Variants in THSD7B observed in about 807,000 individuals in gnomAD.
THSD7B encodes thrombospondin type-1 domain-containing protein 7B.
A neutral mutation model predicts 213.6 loss-of-function variants in THSD7B; 138 were observed. The observed-to-expected ratio is 0.65, with a 90% CI of 0.56 to 0.74. The LOEUF (loss-of-function observed/expected upper bound fraction) is 0.74, where lower values mean the gene tolerates loss of function less well. Ranked by LOEUF, THSD7B falls within the 30% of genes least tolerant of loss-of-function variation. The probability of loss-of-function intolerance (pLI) is 0.00; values close to 1 mark genes in which losing one functional copy is unlikely to be tolerated. For missense variants in THSD7B, 1,931 were observed against 1,991.5 expected (o/e 0.97, Z 0.58); for synonymous variants, 742 against 687.0 (o/e 1.08, Z -1.25).
chr2:137,448,227 A>G (rs1687578877), intron 14 of THSD7B, among the ~76,000 whole-genome samples: 1 of 152,206 alleles, frequency 6.6e-6, no homozygotes, highest in African/African-American at 2.4e-5. Context: ...CCCTGTTTTA[A>G]GAACAGAAAA....
intron 2 of THSD7B, among the ~76,000 whole-genome samples, chr2:136,926,049 C>T (rs1382682496): frequency 6.6e-6 from 1 of 152,052 alleles, no homozygotes; most frequent in Non-Finnish European, 1.5e-5. Context: ...TTCCTCTCTG[C>T]AAAAAGCTTC....
intron 2 of THSD7B, among the ~76,000 whole-genome samples, chr2:137,029,075 A>T (rs1311144591): frequency 7.7e-6 from 1 of 129,470 alleles, no homozygotes; most frequent in Non-Finnish European, 1.6e-5. Flanking sequence ...ATGTCTTTGT[A>T]AGCTTTTTTT....
intron 2 of THSD7B, among the ~76,000 whole-genome samples, chr2:137,000,590 T>A (rs1043164612): frequency 6.6e-6 from 1 of 152,102 alleles, no homozygotes; most frequent in African/African-American, 2.4e-5. Context: ...TAGGTTATAA[T>A]TGGCTCTATA....
intron 2 of THSD7B, among the ~76,000 whole-genome samples, chr2:136,942,027 G>T (rs531800347): frequency 1.3e-5 from 2 of 152,244 alleles, no homozygotes; most frequent in South Asian, 4.1e-4. Context: ...TTTTGTATAA[G>T]GTGTACGGAA....
At position 137,667,824 on chromosome 2, in the gene THSD7B, A is replaced by T. The variant is rs746653090; in HGVS notation, c.4702A>T (p.Ile1568Phe). Reference protein sequence around the residue: ...VYGVSGGAFLIMIFLIFTSYL... With the variant: ...VYGVSGGAFLFMIFLIFTSYL... ...TGGCGTTTCAGGTGGCGCTTTTCTCATCATGATTTTCCTAATATTTACTTC... is the reference window on the plus strand; with the variant it reads ...TGGCGTTTCAGGTGGCGCTTTTCTCTTCATGATTTTCCTAATATTTACTTC... Residue 1568 changes from isoleucine (I) to phenylalanine (F), a missense_variant, in exon 27 of 28, where the codon ATC (isoleucine) becomes TTC (phenylalanine). Transcript: ENST00000409968. 1.0e-5 allele frequency: 16 copies of T among 1,604,376 alleles called. No homozygotes were observed. The highest frequency in any genetic ancestry group is 1.3e-5 in the Non-Finnish European group (15 of 1,174,742).
intron 5 of THSD7B, among the ~76,000 whole-genome samples, chr2:137,144,954 T>G (rs1048660611): frequency 1.2e-3 from 185 of 152,158 alleles, no homozygotes; most frequent in African/African-American, 4.1e-3. Flanking sequence ...CTCTAGACCT[T>G]GATTTTCTCA....
chr2:137,006,644 A>T (rs746925717), intron 2 of THSD7B, among the ~76,000 whole-genome samples: 7 of 152,192 alleles, frequency 4.6e-5, no homozygotes, highest in Non-Finnish European at 7.3e-5. Context: ...AGAAATAAGC[A>T]AGATATAGCT....
At chr2:137,270,293 G>A (rs1682702945) in intron 10 of THSD7B, among the ~76,000 whole-genome samples, 1 of 152,000 alleles carries the variant, frequency 6.6e-6, no homozygotes, top group Non-Finnish European at 1.5e-5. Context: ...AATAAGCCGG[G>A]GGGCTACTGA....
At chr2:137,092,642 T>C (rs1573818121) in intron 3 of THSD7B, among the ~76,000 whole-genome samples, 1 of 152,190 alleles carries the variant, frequency 6.6e-6, no homozygotes, top group South Asian at 2.1e-4. Flanking sequence ...TAAGACTTCT[T>C]CTTTTTTTGT....
intron 5 of THSD7B, among the ~76,000 whole-genome samples, chr2:137,136,635 C>T (rs1478111089): frequency 6.6e-6 from 1 of 152,116 alleles, no homozygotes; most frequent in Non-Finnish European, 1.5e-5. Context: ...TGTGTGTAAC[C>T]TCTAGTCAAC....
chr2:137,108,890 C>T (rs112476178), intron 4 of THSD7B, among the ~76,000 whole-genome samples: 5 of 152,110 alleles, frequency 3.3e-5, no homozygotes, highest in African/African-American at 7.2e-5. Context: ...AGCTATAATA[C>T]GTGGTGTCCT....
chr2:137,489,125 C>G (rs577581231), intron 15 of THSD7B, among the ~76,000 whole-genome samples: 2 of 152,050 alleles, frequency 1.3e-5, no homozygotes, highest in Admixed American at 1.3e-4. Context: ...CTATTGTCTC[C>G]CCTTCTTAGG....
chr2:137,080,319 A>G (rs1687719082), intron 3 of THSD7B, among the ~76,000 whole-genome samples: 2 of 150,456 alleles, frequency 1.3e-5, no homozygotes, highest in East Asian at 2.0e-4. Flanking sequence ...TTGTGCCTCA[A>G]GACTCCCAAG....
chr2:137,148,468 A>C (rs1243790784), intron 5 of THSD7B, among the ~76,000 whole-genome samples: 1 of 152,200 alleles, frequency 6.6e-6, no homozygotes, highest in Non-Finnish European at 1.5e-5. Flanking sequence ...TGGAGGGCTC[A>C]GAAGAAGATA....
chr2:137,115,508 A>G (rs907782110), intron 5 of THSD7B, among the ~76,000 whole-genome samples: 1 of 152,210 alleles, frequency 6.6e-6, no homozygotes, highest in African/African-American at 2.4e-5. Flanking sequence ...CCCAAGAGTC[A>G]CTGTGAAAGT....
At chr2:137,676,151 A>T (rs1683694227) in intron 27 of THSD7B, among the ~76,000 whole-genome samples, 1 of 152,196 alleles carries the variant, frequency 6.6e-6, no homozygotes, top group Non-Finnish European at 1.5e-5. Flanking sequence ...CAAGACCAGC[A>T]GGGTGAGGCC....
chr2:137,486,671 C>A (rs559864507), intron 15 of THSD7B, among the ~76,000 whole-genome samples: 23 of 151,994 alleles, frequency 1.5e-4, no homozygotes, highest in African/African-American at 4.6e-4. Flanking sequence ...ACTCTCCACC[C>A]CAAATCAACA....
intron 2 of THSD7B, among the ~76,000 whole-genome samples, chr2:137,036,490 T>C (rs1422637248): frequency 1.3e-5 from 2 of 152,212 alleles, no homozygotes; most frequent in Admixed American, 6.5e-5. Flanking sequence ...AGACTGGTTA[T>C]TCATTTCAGT....
chr2:137,161,912 A>G (rs940756625), intron 6 of THSD7B, among the ~76,000 whole-genome samples: 6 of 152,156 alleles, frequency 3.9e-5, no homozygotes, highest in Non-Finnish European at 7.4e-5. Context: ...CTGTCCAGAA[A>G]ATCATGTGAG....
Sources: allele counts gnomAD v4.1 joint callset (sites outside exome capture counted in the v4.1 genomes callset), GRCh38; gene constraint gnomAD v4.1.1; transcripts MANE v1.5; gene names NCBI Gene and HGNC (gene_info 2026-07-23, HGNC 2026-07-21).